Variants in ZNF804A observed in about 807,000 individuals in gnomAD.
ZNF804A encodes the protein zinc finger protein 804A.
ZNF804A carries 2 observed loss-of-function variants against 16.5 expected under a neutral mutation model. The observed-to-expected ratio is 0.12, with a 90% CI of 0.05 to 0.38. The LOEUF (loss-of-function observed/expected upper bound fraction) is 0.38. Among genes scored for constraint, ZNF804A ranks in the 10% least tolerant of loss-of-function variants. ZNF804A has a pLI of 0.99. For missense variants in ZNF804A, 1,473 were observed against 1,390.7 expected (o/e 1.06, Z -0.94); for synonymous variants, 534 against 489.6 (o/e 1.09, Z -1.20).
At chr2:184,817,883 A>C (rs1162511917) in intron 1 of ZNF804A, among the ~76,000 whole-genome samples, 2 of 152,038 alleles carry the variant, frequency 1.3e-5, no homozygotes, top group African/African-American at 4.8e-5. Context: ...GTAACAAACA[A>C]AACCTCTGAG....
chr2:184,605,147 A>C (rs1691123086), intron 1 of ZNF804A, among the ~76,000 whole-genome samples: 1 of 152,166 alleles, frequency 6.6e-6, no homozygotes. Context: ...GCATTGAAAT[A>C]GTTTCCTATC....
chr2:184,758,088 C>T (rs1390320996), intron 1 of ZNF804A, among the ~76,000 whole-genome samples: 1 of 151,902 alleles, frequency 6.6e-6, no homozygotes, highest in Non-Finnish European at 1.5e-5. Flanking sequence ...TAAAAGAAAA[C>T]ATTGTCAGGA....
At chr2:184,607,240 C>T (rs1234437512) in intron 1 of ZNF804A, among the ~76,000 whole-genome samples, 7 of 152,148 alleles carry the variant, frequency 4.6e-5, no homozygotes, top group Admixed American at 3.9e-4. Flanking sequence ...TGAAGAAAGT[C>T]AAGCTCTCTC....
chr2:184,751,035 T>C (rs1353048975), intron 1 of ZNF804A, among the ~76,000 whole-genome samples: 1 of 151,546 alleles, frequency 6.6e-6, no homozygotes, highest in African/African-American at 2.4e-5. Flanking sequence ...ACAATAATAC[T>C]GTATTGTCAG....
At chr2:184,787,115 T>C (rs948765874) in intron 1 of ZNF804A, among the ~76,000 whole-genome samples, 6 of 151,946 alleles carry the variant, frequency 3.9e-5, no homozygotes, top group African/African-American at 1.4e-4. Flanking sequence ...CCTCTCTTAC[T>C]GTATTCTCTT....
At chr2:184,822,555 A>T (rs1054341509) in intron 1 of ZNF804A, among the ~76,000 whole-genome samples, 4 of 152,156 alleles carry the variant, frequency 2.6e-5, no homozygotes, top group Admixed American at 2.0e-4. Flanking sequence ...GGAGACATAC[A>T]TGAGATTGAA....
At chr2:184,609,225 G>A (rs1336082572) in intron 1 of ZNF804A, among the ~76,000 whole-genome samples, 1 of 152,158 alleles carries the variant, frequency 6.6e-6, no homozygotes, top group Non-Finnish European at 1.5e-5. Context: ...CATACTATTG[G>A]TAGTAGCAGC....
At chr2:184,691,180 G>T (rs535043489) in intron 1 of ZNF804A, among the ~76,000 whole-genome samples, 2 of 151,982 alleles carry the variant, frequency 1.3e-5, no homozygotes, top group East Asian at 3.9e-4. Context: ...GATATTTAAG[G>T]CTTATGTTAG....
chr2:184,927,350 G>GTCTC (rs757725391), intron 2 of ZNF804A, among the ~76,000 whole-genome samples: 1 of 151,924 alleles, frequency 6.6e-6, no homozygotes, highest in Non-Finnish European at 1.5e-5. Context: ...AACAAATGGA[G>GTCTC]TCTCTCTCTC....
At chr2:184,901,390 T>C (rs546254946) in intron 2 of ZNF804A, among the ~76,000 whole-genome samples, 1 of 152,254 alleles carries the variant, frequency 6.6e-6, no homozygotes, top group Non-Finnish European at 1.5e-5. Flanking sequence ...CAGGCTTATA[T>C]GGGACCTTTA....
intron 1 of ZNF804A, among the ~76,000 whole-genome samples, chr2:184,756,777 T>C (rs1693965425): frequency 6.6e-6 from 1 of 152,056 alleles, no homozygotes; most frequent in Non-Finnish European, 1.5e-5. Context: ...TGTAGATACA[T>C]GTGTCTTTTT....
At chr2:184,736,075 G>C (rs72901840) in intron 1 of ZNF804A, among the ~76,000 whole-genome samples, 7,994 of 152,184 alleles carry the variant, frequency 0.053, 265 homozygotes, top group Middle Eastern at 0.078. Context: ...ACATTTCATA[G>C]TCTTTCCATT....
chr2:184,833,829 C>A (rs1265120586), intron 1 of ZNF804A, among the ~76,000 whole-genome samples: 2 of 151,942 alleles, frequency 1.3e-5, no homozygotes, highest in Non-Finnish European at 2.9e-5. Context: ...ACATGTGTAC[C>A]TACATAACAA....
chr2:184,648,208 G>T (rs1691914554), intron 1 of ZNF804A, among the ~76,000 whole-genome samples: 1 of 152,094 alleles, frequency 6.6e-6, no homozygotes, highest in East Asian at 1.9e-4. Flanking sequence ...AACCAAGGAA[G>T]CACTAGATAA....
At chr2:184,648,424 A>G (rs773011674) in intron 1 of ZNF804A, among the ~76,000 whole-genome samples, 1 of 152,192 alleles carries the variant, frequency 6.6e-6, no homozygotes, top group African/African-American at 2.4e-5. Context: ...TTAATCATGA[A>G]AGTAAACAGT....
intron 1 of ZNF804A, among the ~76,000 whole-genome samples, chr2:184,795,595 A>AG (rs1694618803): frequency 6.6e-6 from 1 of 151,776 alleles, no homozygotes; most frequent in African/African-American, 2.4e-5. Context: ...AATGAAACTG[A>AG]AACAACAAAA....
At chr2:184,840,358 T>A (rs560658944) in intron 1 of ZNF804A, among the ~76,000 whole-genome samples, 3 of 152,060 alleles carry the variant, frequency 2.0e-5, no homozygotes, top group Non-Finnish European at 4.4e-5. Context: ...CATCCCAGCT[T>A]GGGCAACAGA....
chr2:184,744,130 A>T (rs1179703067), intron 1 of ZNF804A, among the ~76,000 whole-genome samples: 1 of 151,922 alleles, frequency 6.6e-6, no homozygotes, highest in Non-Finnish European at 1.5e-5. Flanking sequence ...ACCATCTCCT[A>T]GCCATGTGAG....
intron 1 of ZNF804A, among the ~76,000 whole-genome samples, chr2:184,714,575 G>T (rs1405883847): frequency 2.6e-5 from 4 of 152,104 alleles, no homozygotes; most frequent in Non-Finnish European, 4.4e-5. Context: ...TCTAAAAAGT[G>T]CTAAGAAAGC....
Sources: allele counts gnomAD v4.1 joint callset (sites outside exome capture counted in the v4.1 genomes callset), GRCh38; gene constraint gnomAD v4.1.1; transcripts MANE v1.5; gene names NCBI Gene and HGNC (gene_info 2026-07-23, HGNC 2026-07-21).